The following OR1J2 variants were observed in gnomAD, a reference collection of about 807,000 sequenced individuals.
OR1J2 encodes the protein olfactory receptor family 1 subfamily J member 2.
For synonymous variants in OR1J2, 142 were observed against 99.7 expected (o/e 1.42, Z -2.52); for missense variants, 304 against 246.1 (o/e 1.24, Z -1.57).
the OR1J2 span, among the ~76,000 whole-genome samples, chr9:122,478,215 G>A: frequency 6.6e-6 from 1 of 152,198 alleles, no homozygotes; most frequent in South Asian, 2.1e-4. Flanking sequence ...CTGATGTATT[G>A]TAAGTGATTC....
chr9:122,546,324 A>G, the OR1J2 span, among the ~76,000 whole-genome samples: 1 of 152,128 alleles, frequency 6.6e-6, no homozygotes, highest in African/African-American at 2.4e-5. Flanking sequence ...ACAGAGCTTA[A>G]TTTTCTTCCC....
chr9:122,526,647 T>C, the OR1J2 span: 1 of 1,614,114 alleles, frequency 6.2e-7, no homozygotes, highest in Non-Finnish European at 8.5e-7. Context: ...AATGTGGATG[T>C]AGGAGGTGAC....
At chr9:122,563,987 T>C in the OR1J2 span, among the ~76,000 whole-genome samples, 1 of 152,228 alleles carries the variant, frequency 6.6e-6, no homozygotes, top group Non-Finnish European at 1.5e-5. Context: ...TTTATGACCA[T>C]GCTGTTTCAG....
At chr9:122,568,475 C>T in the OR1J2 span, 5 of 1,563,220 alleles carry the variant, frequency 3.2e-6, no homozygotes, top group East Asian at 9.0e-5. Context: ...TGATTCTTTC[C>T]ATTGACTTGG....
chr9:122,466,784 A>G, the OR1J2 span, among the ~76,000 whole-genome samples: 1 of 151,882 alleles, frequency 6.6e-6, no homozygotes, highest in African/African-American at 2.4e-5. Context: ...TCTCCCACTT[A>G]ATTTTCTGAG....
At chr9:122,568,100 G>A in the OR1J2 span, 68 of 1,613,982 alleles carry the variant, frequency 4.2e-5, no homozygotes, top group Middle Eastern at 1.7e-4. Flanking sequence ...GGTCACAGAC[G>A]GCCACATAGC....
At chr9:122,452,626 G>T in the OR1J2 span, among the ~76,000 whole-genome samples, 1 of 152,162 alleles carries the variant, frequency 6.6e-6, no homozygotes, top group African/African-American at 2.4e-5. Flanking sequence ...TTGGATATTT[G>T]TCCTGCTCAA....
the OR1J2 span, among the ~76,000 whole-genome samples, chr9:122,472,442 C>T: frequency 2.6e-5 from 4 of 152,356 alleles, no homozygotes; most frequent in East Asian, 5.8e-4. Context: ...TAAGACCCAA[C>T]TGGCAAATTT....
the OR1J2 span, chr9:122,554,032 A>C: frequency 6.2e-7 from 1 of 1,613,788 alleles, no homozygotes. Flanking sequence ...ACAGAGAGGG[A>C]AAGTAGGGCT....
At chr9:122,512,739 A>G (rs192834587), downstream of OR1J2, among the ~76,000 whole-genome samples, 1 of 152,312 alleles carries the variant, frequency 6.6e-6, no homozygotes, top group East Asian at 1.9e-4. Context: ...AATGAAAATG[A>G]AGCCAAAGTT....
At chr9:122,452,262 C>T in the OR1J2 span, among the ~76,000 whole-genome samples, 9 of 152,124 alleles carry the variant, frequency 5.9e-5, no homozygotes, top group African/African-American at 7.2e-5. Flanking sequence ...GAGTTTGAGC[C>T]GGTTAAGGAT....
At chr9:122,541,965 A>G in the OR1J2 span, among the ~76,000 whole-genome samples, 1 of 152,220 alleles carries the variant, frequency 6.6e-6, no homozygotes, top group South Asian at 2.1e-4. Flanking sequence ...CCATAAAGCC[A>G]GAACACTCCC....
the OR1J2 span, among the ~76,000 whole-genome samples, chr9:122,560,308 G>T: frequency 6.6e-6 from 1 of 152,082 alleles, no homozygotes; most frequent in African/African-American, 2.4e-5. Flanking sequence ...TCTTTTAATC[G>T]CAGCATTTAG....
chr9:122,479,673 A>G, the OR1J2 span, among the ~76,000 whole-genome samples: 2 of 152,214 alleles, frequency 1.3e-5, no homozygotes, highest in South Asian at 2.1e-4. Flanking sequence ...AGGACGAGAC[A>G]ATTTCTCAAC....
chr9:122,556,672 CTTAAA>C, the OR1J2 span, among the ~76,000 whole-genome samples: 4 of 152,064 alleles, frequency 2.6e-5, no homozygotes. Flanking sequence ...TATCCCAGAA[CTTAAA>C]TTTAAAAGAA....
the OR1J2 span, among the ~76,000 whole-genome samples, chr9:122,463,243 T>C: frequency 2.0e-5 from 3 of 152,262 alleles, no homozygotes; most frequent in Admixed American, 2.0e-4. Flanking sequence ...ATTTTGCATT[T>C]CTCTTAAGTG....
At chr9:122,465,164 C>G in the OR1J2 span, among the ~76,000 whole-genome samples, 2 of 152,084 alleles carry the variant, frequency 1.3e-5, no homozygotes, top group Non-Finnish European at 2.9e-5. Context: ...GCACAAACAG[C>G]CAAATTACCA....
At chr9:122,553,427 T>G in the OR1J2 span, 1 of 1,614,196 alleles carries the variant, frequency 6.2e-7, no homozygotes, top group South Asian at 1.1e-5. Flanking sequence ...TGTCATTAAC[T>G]GATGCCTGTT....
chr9:122,477,752 T>C, the OR1J2 span: 1 of 1,613,868 alleles, frequency 6.2e-7, no homozygotes, highest in Non-Finnish European at 8.5e-7. Flanking sequence ...AAGAAGTACA[T>C]GGGGGTGTGA....
Sources: gnomAD v4.1 joint callset for allele counts (sites outside exome capture counted in the v4.1 genomes callset) on GRCh38, gnomAD v4.1.1 for gene constraint, MANE v1.5 for transcripts, NCBI Gene and HGNC (gene_info 2026-07-23, HGNC 2026-07-21) for gene names.